The following UNC13C variants were observed in gnomAD, a reference collection of about 807,000 sequenced individuals.
The protein encoded by UNC13C is protein unc-13 homolog C.
A neutral mutation model predicts 245.4 loss-of-function variants in UNC13C; 174 were observed. That is an observed-to-expected ratio of 0.71 (90% CI 0.63 to 0.80). The LOEUF (loss-of-function observed/expected upper bound fraction) is 0.80. UNC13C is among the 30% of genes least tolerant of loss of function. The probability of loss-of-function intolerance (pLI) is 0.00; values close to 1 mark genes in which losing one functional copy is unlikely to be tolerated. For missense variants in UNC13C, 2,829 were observed against 2,602.9 expected, an observed-to-expected ratio of 1.09 and a Z score of -1.89; for synonymous variants, 992 against 895.1, an observed-to-expected ratio of 1.11 and a Z score of -1.93.
chr15:54,511,934 CTAAGAA>C, intron 24 of UNC13C, 104 bp downstream of exon 24: 1 of 746,146 alleles, frequency 1.3e-6, no homozygotes, highest in Non-Finnish European at 2.3e-6. Context: ...ACATGGTTAA[CTAAGAA>C]CAGGAAATGA....
the UNC13C span, among the ~76,000 whole-genome samples, chr15:53,933,635 G>A: frequency 6.6e-6 from 1 of 152,290 alleles, no homozygotes; most frequent in African/African-American, 2.4e-5. Flanking sequence ...TTAGCATGCT[G>A]TAATTTAGTC....
chr15:54,263,685 C>A (rs772185730), intron 8 of UNC13C, among the ~76,000 whole-genome samples: 3 of 152,064 alleles, frequency 2.0e-5, no homozygotes, highest in Non-Finnish European at 2.9e-5. Flanking sequence ...ATTTTCTTCC[C>A]AAGTAAAATC....
rs78593598 is a variant in UNC13C at position 54,006,975 on chromosome 15, A to G, written c.-256-5673A>G. ...TGAGGGTTGCTTCCTTCTCTGTTGCAGTGATTCTGCCCTCCTACCTGATGG... is the reference window on the plus strand; with the variant it reads ...TGAGGGTTGCTTCCTTCTCTGTTGCGGTGATTCTGCCCTCCTACCTGATGG... On this transcript the variant is annotated intron_variant, in intron 1 of 32. Transcript: ENST00000260323. 5.8e-3 allele frequency among the ~76,000 whole-genome samples: 891 copies of G among 152,334 alleles called. 10 individuals are homozygous for G. Among genetic ancestry groups the G allele is most frequent in the South Asian group, 0.013 (65 of 4,830 alleles).
chr15:54,551,921 T>C (rs1215134220), intron 28 of UNC13C, among the ~76,000 whole-genome samples: 1 of 151,714 alleles, frequency 6.6e-6, no homozygotes, highest in Non-Finnish European at 1.5e-5. Flanking sequence ...AGAATGTCAC[T>C]CCCATTTAAA....
chr15:54,394,139 G>C (rs900408354), intron 18 of UNC13C, among the ~76,000 whole-genome samples: 1 of 151,824 alleles, frequency 6.6e-6, no homozygotes, highest in Non-Finnish European at 1.5e-5. Context: ...CATTGTTTAT[G>C]TTCAGTCCAA....
intron 17 of UNC13C, among the ~76,000 whole-genome samples, chr15:54,384,230 G>C (rs560202716): frequency 1.3e-5 from 2 of 152,028 alleles, no homozygotes; most frequent in African/African-American, 4.8e-5. Context: ...AACAAACCCG[G>C]AGGCATCATG....
At chr15:54,373,670 A>T (rs995408234) in intron 17 of UNC13C, among the ~76,000 whole-genome samples, 5 of 152,136 alleles carry the variant, frequency 3.3e-5, no homozygotes, top group Non-Finnish European at 5.9e-5. Flanking sequence ...CTGGCTTGGG[A>T]GCTTCTAGTC....
the UNC13C span, among the ~76,000 whole-genome samples, chr15:53,898,281 T>C: frequency 6.6e-6 from 1 of 152,160 alleles, no homozygotes; most frequent in African/African-American, 2.4e-5. Context: ...AAACCAGTCA[T>C]GCTTATCTTT....
At chr15:54,476,493 T>C (rs1892749655) in intron 19 of UNC13C, among the ~76,000 whole-genome samples, 1 of 150,940 alleles carries the variant, frequency 6.6e-6, no homozygotes, top group Admixed American at 6.6e-5. Flanking sequence ...GTATAAGGTG[T>C]AAGGAAGGGA....
At chr15:53,851,094 A>G in the UNC13C span, among the ~76,000 whole-genome samples, 2 of 152,050 alleles carry the variant, frequency 1.3e-5, no homozygotes, top group East Asian at 1.9e-4. Context: ...CCTTGAGCAT[A>G]TATATCATAT....
chr15:54,405,631 C>T (rs1278992853), intron 18 of UNC13C, among the ~76,000 whole-genome samples: 1 of 151,914 alleles, frequency 6.6e-6, no homozygotes, highest in Non-Finnish European at 1.5e-5. Flanking sequence ...ATTTTGTGGC[C>T]CCTTAAAAAT....
chr15:54,501,049 G>A lies in UNC13C; in HGVS notation c.5301+71G>A. On this transcript the variant is annotated intron_variant, in intron 22 of 32. Transcript: ENST00000260323. ...ATCTGAAAAATGCTATTGTTTTGTG[G>A]TGTTAGTCTTCTCTGTCACCCCATC... 6.6e-6 allele frequency: 10 copies of A among 1,509,324 alleles called. No individual in the cohort carries two copies. In the East Asian group the frequency reaches 6.8e-5, roughly 10 times the overall value. The allele number at this position is 1,509,324 out of a possible 1,614,324, so 93.5% of individuals were successfully genotyped here.
chr15:54,507,972 A>C (rs1016839974), intron 23 of UNC13C, among the ~76,000 whole-genome samples: 1 of 152,020 alleles, frequency 6.6e-6, no homozygotes. Context: ...TTCTAAAGAA[A>C]GCTACTAGTT....
chr15:54,364,970 T>C (rs1390646564), intron 17 of UNC13C, among the ~76,000 whole-genome samples: 1 of 152,224 alleles, frequency 6.6e-6, no homozygotes, highest in Admixed American at 6.5e-5. Flanking sequence ...ACTAGCGCTA[T>C]GTCTATGGCA....
At chr15:54,076,946 A>G (rs1322090853) in intron 2 of UNC13C, among the ~76,000 whole-genome samples, 2 of 152,208 alleles carry the variant, frequency 1.3e-5, no homozygotes, top group African/African-American at 4.8e-5. Flanking sequence ...ATGAATTGTT[A>G]TATTTTTCTA....
At chr15:54,222,087 C>T (rs1375951741) in intron 4 of UNC13C, among the ~76,000 whole-genome samples, 8 of 151,982 alleles carry the variant, frequency 5.3e-5, no homozygotes, top group Non-Finnish European at 8.8e-5. Flanking sequence ...AGAATGTATG[C>T]TTTCTTTGTG....
chr15:54,179,979 A>T (rs1240155612), intron 4 of UNC13C, among the ~76,000 whole-genome samples: 1 of 152,086 alleles, frequency 6.6e-6, no homozygotes, highest in Non-Finnish European at 1.5e-5. Flanking sequence ...AAATAAAATG[A>T]TATCTTTAAG....
the UNC13C span, chr15:53,947,648 G>T: frequency 2.0e-5 from 3 of 152,090 alleles, no homozygotes; most frequent in African/African-American, 7.2e-5. Context: ...TTTTGAAAGG[G>T]TCATCTGTGT....
At chr15:54,067,191 G>A (rs1021299669) in intron 2 of UNC13C, among the ~76,000 whole-genome samples, 1 of 151,994 alleles carries the variant, frequency 6.6e-6, no homozygotes, top group Non-Finnish European at 1.5e-5. Context: ...GTTGCCTCAA[G>A]TAATTACACT....
Sources: allele counts gnomAD v4.1 joint callset (sites outside exome capture counted in the v4.1 genomes callset), GRCh38; gene constraint gnomAD v4.1.1; transcripts MANE v1.5; gene names NCBI Gene and HGNC (gene_info 2026-07-23, HGNC 2026-07-21).